CNBD1: variants seen among roughly 807,000 people sequenced by gnomAD.
The protein encoded by CNBD1 is cyclic nucleotide-binding domain-containing protein 1.
A neutral mutation model predicts 54.4 loss-of-function variants in CNBD1; 71 were observed. The observed-to-expected ratio is 1.30, with a 90% CI of 1.08 to 1.59. CNBD1 has a LOEUF of 1.59. Ranked by LOEUF, CNBD1 falls within the 40% of genes most tolerant of loss-of-function variation. The probability of loss-of-function intolerance (pLI) is 0.00; values close to 1 mark genes in which losing one functional copy is unlikely to be tolerated. For missense variants in CNBD1, 659 were observed against 518.0 expected (o/e 1.27, Z -2.64); for synonymous variants, 182 against 170.7 (o/e 1.07, Z -0.51).
At chr8:87,392,443 G>A (rs1029543777) in intron 2 of CNBD1, among the ~76,000 whole-genome samples, 1 of 151,988 alleles carries the variant, frequency 6.6e-6, no homozygotes, top group South Asian at 2.1e-4. Context: ...AAATTAAAAT[G>A]TCATAAGCAT....
chr8:86,933,923 A>C (rs1809500954), intron 3 of CNBD1, among the ~76,000 whole-genome samples: 1 of 152,176 alleles, frequency 6.6e-6, no homozygotes, highest in African/African-American at 2.4e-5. Context: ...ATAAAAATTA[A>C]TCCATAAATA....
chr8:87,359,092 C>A (rs1052268330), intron 10 of CNBD1, among the ~76,000 whole-genome samples: 1 of 152,136 alleles, frequency 6.6e-6, no homozygotes, highest in African/African-American at 2.4e-5. Flanking sequence ...CAAGGTGGCA[C>A]ATAAAGTTAA....
At chr8:87,112,883 G>C (rs769399077) in intron 4 of CNBD1, among the ~76,000 whole-genome samples, 17 of 152,116 alleles carry the variant, frequency 1.1e-4, no homozygotes, top group Middle Eastern at 3.2e-3. Flanking sequence ...TTCCTAGCAG[G>C]GGGGCTTGAT....
chr8:87,074,993 A>G (rs1011044107), intron 4 of CNBD1, among the ~76,000 whole-genome samples: 5 of 152,214 alleles, frequency 3.3e-5, no homozygotes, highest in Non-Finnish European at 5.9e-5. Context: ...TTTTGGAAAA[A>G]GTACATAGCT....
intron 4 of CNBD1, among the ~76,000 whole-genome samples, chr8:87,007,474 G>T (rs140550106): frequency 1.3e-5 from 2 of 152,162 alleles, no homozygotes; most frequent in East Asian, 3.9e-4. Flanking sequence ...TGAGCCCTCA[G>T]TGCTATGTTT....
chr8:86,950,257 C>T (rs1712140929), intron 4 of CNBD1, among the ~76,000 whole-genome samples: 1 of 151,696 alleles, frequency 6.6e-6, no homozygotes, highest in South Asian at 2.1e-4. Context: ...GACAGTTTCA[C>T]CATTGGTTTC....
intron 10 of CNBD1, 82 bp from the exon 11 acceptor site, chr8:87,382,538 A>T: frequency 9.4e-7 from 1 of 1,059,852 alleles, no homozygotes; most frequent in Non-Finnish European, 1.4e-6. Context: ...ATGTAATTTT[A>T]GGGTTCTATT....
intron 6 of CNBD1, among the ~76,000 whole-genome samples, chr8:87,278,174 C>G (rs1220731751): frequency 6.6e-6 from 1 of 151,248 alleles, no homozygotes; most frequent in Admixed American, 6.6e-5. Context: ...TAGAAAAGAA[C>G]ATAACTTAGA....
chr8:87,389,713 G>T (rs1008432596), intron 2 of CNBD1, among the ~76,000 whole-genome samples: 1 of 152,146 alleles, frequency 6.6e-6, no homozygotes, highest in Non-Finnish European at 1.5e-5. Flanking sequence ...TCCCCATCAA[G>T]ATACCAATGA....
chr8:87,140,563 A>G (rs961689273), intron 4 of CNBD1, among the ~76,000 whole-genome samples: 2 of 152,154 alleles, frequency 1.3e-5, no homozygotes, highest in Non-Finnish European at 2.9e-5. Flanking sequence ...AGATTGATTT[A>G]TTATAATATT....
At chr8:86,944,166 A>G (rs1181482815) in intron 4 of CNBD1, among the ~76,000 whole-genome samples, 1 of 152,262 alleles carries the variant, frequency 6.6e-6, no homozygotes, top group Non-Finnish European at 1.5e-5. Context: ...TGATAAGTAA[A>G]GAATATTAAA....
In CNBD1 at chr8:87,128,388, C is replaced by G. The variant is rs114377194; in HGVS notation, c.432-77605C>G. ...ACACACCTTAGCTCCGGCACCTGCC[C>G]TCCTGCATGCTCCCTCTCGTGAAGG... is the stretch of plus-strand genomic sequence containing the variant. On this transcript the variant is annotated intron_variant, in intron 4 of 10. Coordinates refer to ENST00000518476, the MANE Select transcript of CNBD1 (RefSeq NM_173538.3). Among the ~76,000 whole-genome samples the G allele has an allele frequency of 1.9e-3, 286 of 152,314 alleles. 1 individual carries two copies. Among genetic ancestry groups the G allele is most frequent in the African/African-American group, 6.5e-3 (272 of 41,584 alleles).
intron 2 of CNBD1, among the ~76,000 whole-genome samples, chr8:87,390,507 C>T (rs779109304): frequency 6.6e-6 from 1 of 152,112 alleles, no homozygotes; most frequent in Non-Finnish European, 1.5e-5. Flanking sequence ...TCATCACTGG[C>T]CATCAGAAAA....
At chr8:87,418,366 A>G (rs1458957865) in intron 2 of CNBD1, among the ~76,000 whole-genome samples, 4 of 151,954 alleles carry the variant, frequency 2.6e-5, no homozygotes, top group Non-Finnish European at 5.9e-5. Context: ...AAAATTAAAT[A>G]AAATGCATCA....
chr8:86,964,423 C>A (rs920523743), intron 4 of CNBD1, among the ~76,000 whole-genome samples: 1 of 152,208 alleles, frequency 6.6e-6, no homozygotes, highest in African/African-American at 2.4e-5. Flanking sequence ...CCTAAAAATT[C>A]TCTGCCACTT....
At chr8:87,424,869 C>T (rs1032835080) in intron 2 of CNBD1, among the ~76,000 whole-genome samples, 5 of 152,082 alleles carry the variant, frequency 3.3e-5, no homozygotes, top group South Asian at 2.1e-4. Flanking sequence ...CGTTGGCCTG[C>T]CTTGCTAGAT....
intron 8 of CNBD1, among the ~76,000 whole-genome samples, chr8:87,297,185 A>G (rs373367128): frequency 0.012 from 1,781 of 148,738 alleles, 27 homozygotes; most frequent in Middle Eastern, 0.042. Flanking sequence ...AAAAAAAAAA[A>G]GGAAAAAATT....
At position 87,166,620 on chromosome 8, in the gene CNBD1, A is replaced by G. The variant is rs1812968699; in HGVS notation, c.432-39373A>G. Among the ~76,000 whole-genome samples, 1 of 151,844 alleles carries G rather than the reference A, an allele frequency of 6.6e-6. No individual in the cohort carries two copies. The highest frequency in any genetic ancestry group is 2.1e-4 in the South Asian group (1 of 4,826). On this transcript the variant is annotated intron_variant, in intron 4 of 10. Coordinates refer to ENST00000518476, the MANE Select transcript of CNBD1 (RefSeq NM_173538.3). The surrounding 1 kb of genome is among the most constrained non-coding windows in gnomAD (Gnocchi z 4.3). ...TTATTTCCAAAGTCCAGCCCTTCTCACAGTTCTCTGGCTCTTTCACTTTCT... is the reference window on the plus strand; with the variant it reads ...TTATTTCCAAAGTCCAGCCCTTCTCGCAGTTCTCTGGCTCTTTCACTTTCT...
At chr8:87,037,330 A>G (rs2130603929) in intron 4 of CNBD1, among the ~76,000 whole-genome samples, 1 of 152,090 alleles carries the variant, frequency 6.6e-6, no homozygotes, top group East Asian at 1.9e-4. Context: ...AACTTTTTCC[A>G]TTCATTTTCC....
Sources: gnomAD v4.1 joint callset for allele counts (sites outside exome capture counted in the v4.1 genomes callset) on GRCh38, gnomAD v4.1.1 for gene constraint, Gnocchi (gnomAD v3.1) non-coding constraint, MANE v1.5 for transcripts, NCBI Gene and HGNC (gene_info 2026-07-23, HGNC 2026-07-21) for gene names.